Variants in TNR observed in about 807,000 individuals in gnomAD.
TNR encodes tenascin-R.
In TNR, 45 loss-of-function variants were observed where a neutral mutation model predicts 150.4. The ratio of observed to expected loss-of-function variants is 0.30; its 90% CI spans 0.24 to 0.38. The LOEUF is 0.38. Ranked by LOEUF, TNR falls within the 10% of genes least tolerant of loss-of-function variation. TNR has a pLI of 1.00. For synonymous variants in TNR, 687 were observed against 678.4 expected (o/e 1.01, Z -0.20); for missense variants, 1,544 against 1,759.1 (o/e 0.88, Z 2.19).
At chr1:175,536,615 A>C (rs1253173410) in intron 1 of TNR, among the ~76,000 whole-genome samples, 1 of 152,154 alleles carries the variant, frequency 6.6e-6, no homozygotes, top group African/African-American at 2.4e-5. Flanking sequence ...GTCAATGTTT[A>C]ATGTACTCCT....
At chr1:175,351,083 G>T (rs1182607096) in intron 18 of TNR, among the ~76,000 whole-genome samples, 3 of 152,210 alleles carry the variant, frequency 2.0e-5, no homozygotes. Flanking sequence ...GAGGCTTCCA[G>T]TGTTTCTCAG....
intron 1 of TNR, among the ~76,000 whole-genome samples, chr1:175,688,236 G>C (rs111397535): frequency 2.6e-5 from 4 of 152,176 alleles, no homozygotes; most frequent in Non-Finnish European, 5.9e-5. Context: ...CCAGTCCCAC[G>C]GGGGTTGTGG....
intron 2 of TNR, among the ~76,000 whole-genome samples, chr1:175,498,587 C>T (rs1011614552): frequency 1.3e-5 from 2 of 152,210 alleles, no homozygotes; most frequent in African/African-American, 4.8e-5. Flanking sequence ...ACTTATGTGC[C>T]ATCATCCCTC....
intron 1 of TNR, among the ~76,000 whole-genome samples, chr1:175,574,298 C>T (rs144698100): frequency 1.6e-4 from 24 of 152,280 alleles, no homozygotes; most frequent in East Asian, 7.7e-4. Flanking sequence ...AATGAAAAGA[C>T]GTCCTGTCCC....
rs1486285401 is a variant in TNR at position 175,407,795 on chromosome 1, C to A, written c.-63-1018G>T. Among the ~76,000 whole-genome samples the A allele has an allele frequency of 2.6e-5, 4 of 152,168 alleles. 1 individual carries two copies. The highest frequency in any genetic ancestry group is 9.7e-5 in the African/African-American group (4 of 41,444). ...GATGGGTCACTATGAATAGCCCCAT[C>A]TTCTAATGGAGGAAGTTCTTCCAAG... is the stretch of plus-strand genomic sequence containing the variant. On this transcript the variant is annotated intron_variant, in intron 2 of 22. Transcript: ENST00000367674.
intron 18 of TNR, among the ~76,000 whole-genome samples, chr1:175,346,519 AAG>A (rs1392455298): frequency 1.3e-5 from 2 of 152,304 alleles, no homozygotes; most frequent in East Asian, 3.9e-4. Flanking sequence ...ATATTAATAA[AAG>A]AAATATATCA....
chr1:175,689,837 C>A (rs993422488), intron 1 of TNR, among the ~76,000 whole-genome samples: 2 of 152,234 alleles, frequency 1.3e-5, no homozygotes, highest in East Asian at 3.8e-4. Context: ...GGGTTTCTTT[C>A]TCACTAAGTC....
At chr1:175,623,069 C>A (rs577305141) in intron 1 of TNR, among the ~76,000 whole-genome samples, 72 of 152,298 alleles carry the variant, frequency 4.7e-4, no homozygotes, top group African/African-American at 1.6e-3. Flanking sequence ...TTTCAACGTA[C>A]ATTTTTTGGA....
Position 175,654,344 on chromosome 1 carries a change from A to T in TNR, c.-165+88882T>A, listed in dbSNP as rs555826667. 6.6e-5 allele frequency among the ~76,000 whole-genome samples: 10 copies of T among 152,330 alleles called. No homozygotes were observed. In the East Asian group the frequency reaches 1.9e-3, roughly 29 times the overall value. Reference sequence around the variant, plus strand: ...GTACTTGTCATAGATAACATAAAGAATGCATAAATGCAGAAGAAGTTAACC... The same window carrying T: ...GTACTTGTCATAGATAACATAAAGATTGCATAAATGCAGAAGAAGTTAACC... On this transcript the variant is annotated intron_variant, in intron 1 of 22. Coordinates refer to ENST00000367674, the MANE Select transcript of TNR (RefSeq NM_003285.3).
Position 175,317,113 on chromosome 1 carries a change from C to G in TNR, c.*6244G>C, listed in dbSNP as rs1167781885. The G allele has an allele frequency of 6.6e-6, 1 of 152,200 alleles. No homozygotes were observed. Among genetic ancestry groups the G allele is most frequent in the Admixed American group, 6.5e-5 (1 of 15,282 alleles). The allele number at this position is 152,200 out of a possible 1,614,324, so 9.4% of individuals were successfully genotyped here. On this transcript the variant is annotated 3_prime_UTR_variant, in exon 23 of 23. Coordinates refer to ENST00000367674, the MANE Select transcript of TNR (RefSeq NM_003285.3). ...TCCCTCTTCTATAAAATGGTTAAACCTGACTTAAAGTTTATGGTGAGGATT... is the reference window on the plus strand; with the variant it reads ...TCCCTCTTCTATAAAATGGTTAAACGTGACTTAAAGTTTATGGTGAGGATT...
At chr1:175,325,517 G>A (rs1463262561) in intron 21 of TNR, among the ~76,000 whole-genome samples, 2 of 152,080 alleles carry the variant, frequency 1.3e-5, no homozygotes, top group African/African-American at 2.4e-5. Flanking sequence ...CCCATTACTG[G>A]GTATATACTC....
intron 2 of TNR, among the ~76,000 whole-genome samples, chr1:175,512,301 A>G (rs1418611865): frequency 6.6e-6 from 1 of 152,234 alleles, no homozygotes; most frequent in Non-Finnish European, 1.5e-5. Flanking sequence ...TAGTATTTCA[A>G]TGAGACTGAT....
chr1:175,460,641 C>T lies in TNR; in HGVS notation c.-63-53864G>A, dbSNP rs74127303. ...TCATTTAATTTTCACGATAATGAGG[C>T]AAGAATTGTTACTCCATCTCATAGA... On this transcript the variant is annotated intron_variant, in intron 2 of 22. Transcript: ENST00000367674. Among the ~76,000 whole-genome samples, 1,120 of 152,300 alleles carry T rather than the reference C, an allele frequency of 7.4e-3. 11 individuals carry two copies. The highest frequency in any genetic ancestry group is 0.026 in the African/African-American group (1,085 of 41,558).
chr1:175,403,694 C>G, intron 3 of TNR, 78 bp from the exon 4 acceptor site: 1 of 1,183,694 alleles, frequency 8.4e-7, no homozygotes, highest in East Asian at 2.4e-5. Context: ...TGGGCAAAGG[C>G]CTCTCTACTC....
intron 2 of TNR, among the ~76,000 whole-genome samples, chr1:175,475,165 C>G (rs1301493356): frequency 6.6e-6 from 1 of 152,208 alleles, no homozygotes; most frequent in African/African-American, 2.4e-5. Flanking sequence ...TCCCTTCCCT[C>G]TATTTCCTGG....
intron 2 of TNR, among the ~76,000 whole-genome samples, chr1:175,474,026 C>A (rs1657415799): frequency 6.6e-6 from 1 of 152,124 alleles, no homozygotes; most frequent in Non-Finnish European, 1.5e-5. Context: ...CACACAAATT[C>A]TCCATTTTTG....
chr1:175,594,545 T>C (rs59874028), intron 1 of TNR, among the ~76,000 whole-genome samples: 26,890 of 152,092 alleles, frequency 0.18, 3,811 homozygotes, highest in African/African-American at 0.39. Context: ...TATTAATCTT[T>C]CAAGTGAGAT....
rs375388619 is a variant in TNR at position 175,391,336 on chromosome 1, G to A, written c.1459C>T (p.Leu487=). ...GEEYIVNVVA[L]KEQARSPPTS... ...GGGGGGCTGCGGGCCTGTTCTTTCA[G>A]AGCCACCACATTGACAATGTATTCC... The change falls in exon 7 of 23, where the codon CTG becomes TTG. Residue 487 remains leucine, a synonymous_variant. Transcript: ENST00000367674. 2 of 1,614,036 alleles carry A rather than the reference G, an allele frequency of 1.2e-6. No homozygotes were observed. Among genetic ancestry groups the A allele is most frequent in the Non-Finnish European group, 1.7e-6 (2 of 1,180,046 alleles).
chr1:175,413,815 G>A (rs942582399), intron 2 of TNR, among the ~76,000 whole-genome samples: 32 of 152,186 alleles, frequency 2.1e-4, no homozygotes, highest in Non-Finnish European at 4.4e-5. Flanking sequence ...AAACCCTCAT[G>A]AATGGGATTA....
Sources: gnomAD v4.1 joint callset for allele counts (sites outside exome capture counted in the v4.1 genomes callset) on GRCh38, gnomAD v4.1.1 for gene constraint, MANE v1.5 for transcripts, NCBI Gene and HGNC (gene_info 2026-07-23, HGNC 2026-07-21) for gene names.